The following NWD1 variants were observed in gnomAD, a reference collection of about 807,000 sequenced individuals.
NWD1 encodes the protein NACHT and WD repeat domain containing 1, also known as NACHT domain- and WD repeat-containing protein 1.
A neutral mutation model predicts 135.1 loss-of-function variants in NWD1; 129 were observed. The observed-to-expected ratio is 0.96, with a 90% CI of 0.83 to 1.11. The LOEUF is 1.11. Ranked by LOEUF, NWD1 falls within the 50% of genes least tolerant of loss-of-function variation. The pLI, the probability that NWD1 is intolerant of heterozygous loss-of-function variation, is 0.00. For synonymous variants in NWD1, 773 were observed against 786.0 expected (o/e 0.98, Z 0.28); for missense variants, 1,740 against 1,851.3 (o/e 0.94, Z 1.10).
intron 6 of NWD1, among the ~76,000 whole-genome samples, chr19:16,755,554 A>G (rs1462951870): frequency 1.3e-5 from 2 of 151,232 alleles, no homozygotes; most frequent in Non-Finnish European, 2.9e-5. Context: ...ATGCCTGGCT[A>G]ATTTTTGTAT....
intron 1 of NWD1, among the ~76,000 whole-genome samples, chr19:16,722,896 C>T (rs1365981484): frequency 6.6e-6 from 1 of 152,078 alleles, no homozygotes; most frequent in Non-Finnish European, 1.5e-5. Flanking sequence ...CACCAAGGCT[C>T]AGGAGAGCTT....
In NWD1 at chr19:16,749,467, C is replaced by T. The variant is rs374583971; in HGVS notation, c.825C>T (p.His275=). The T allele has an allele frequency of 2.5e-5, 41 of 1,612,478 alleles. No individual in the cohort carries two copies. Among genetic ancestry groups the T allele is most frequent in the South Asian group, 1.1e-5 (1 of 91,068 alleles). The change falls in exon 6 of 19, where the codon CAC becomes CAT. Residue 275 remains histidine (H), a synonymous_variant. Coordinates refer to ENST00000524140, the MANE Select transcript of NWD1 (RefSeq NM_001007525.5). ...AGCAGTTTGTGGTGAGGGCCAATCA[C>T]CAGGTCCTCACACGCCTCCGTGAGC... The part of the protein sequence containing the change: ...LGEQFVVRAN[H]QVLTRLRELD...
At chr19:16,813,469 G>T (rs1361612052) in intron 18 of NWD1, among the ~76,000 whole-genome samples, 1 of 151,870 alleles carries the variant, frequency 6.6e-6, no homozygotes, top group African/African-American at 2.4e-5. Context: ...GAAGCAGCCT[G>T]TTTTTGTTTT....
chr19:16,759,381 G>A lies in NWD1; in HGVS notation c.1926G>A (p.Leu642=), dbSNP rs771293066. ...TTCGTCGGGATCTGGGATACTACTT[G>A]GCCCGGCGGCCCGTGGATGGCTTCA... ...VRLRRDLGYY[L]ARRPVDGFTL... Residue 642 remains leucine (L), a synonymous_variant, in exon 7 of 19, where the codon TTG becomes TTA. Transcript: ENST00000524140. 1.3e-6 allele frequency: 2 copies of A among 1,598,918 alleles called. No individual in the cohort carries two copies. Among genetic ancestry groups the A allele is most frequent in the Non-Finnish European group, 8.5e-7 (1 of 1,173,922 alleles).
chr19:16,765,107 T>G lies in NWD1; in HGVS notation c.2325T>G (p.Cys775Trp), dbSNP rs1568363634. Residue 775 changes from cysteine (C) to tryptophan (W), a missense_variant, in exon 10 of 19, where the codon TGT (cysteine) becomes TGG (tryptophan). Coordinates refer to ENST00000524140, the MANE Select transcript of NWD1 (RefSeq NM_001007525.5). The stretch of plus-strand genomic sequence containing the variant: ...ACCTGCTGGATGACTTTGACCTGTG[T>G]GCCCCTCACCTGGACTCCCCTGAGG... ...IEDLLDDFDL[C>W]APHLDSPEVG... 1 of 1,614,022 alleles carries G rather than the reference T, an allele frequency of 6.2e-7. No individual in the cohort carries two copies. Among genetic ancestry groups the G allele is most frequent in the Non-Finnish European group, 8.5e-7 (1 of 1,180,022 alleles).
chr19:16,791,104 C>T (rs1364088634), intron 13 of NWD1, among the ~76,000 whole-genome samples: 3 of 151,934 alleles, frequency 2.0e-5, no homozygotes, highest in East Asian at 1.9e-4. Flanking sequence ...CATGGTGGTG[C>T]GTGTCTGTGG....
Position 16,794,547 on chromosome 19 carries a change from G to A in NWD1, c.3298G>A (p.Ala1100Thr), listed in dbSNP as rs191339575. The A allele has an allele frequency of 8.8e-6, 14 of 1,598,222 alleles. No individual in the cohort carries two copies. Among genetic ancestry groups the A allele is most frequent in the East Asian group, 4.5e-5 (2 of 44,618 alleles). The change falls in exon 15 of 19, where the codon GCC (alanine) becomes ACC (threonine). Residue 1100 changes from alanine (A) to threonine (T), a missense_variant. Physicochemically the swap from Ala to Thr is moderately conservative, Grantham distance 58. Coordinates refer to ENST00000524140, the MANE Select transcript of NWD1 (RefSeq NM_001007525.5). ...LVVSEDESLL[A>T]AGFGRSVRIF... ...GGTCTCTGAAGATGAGTCCCTCCTC[G>A]CCGCAGGTAGCGTTTAGCTCTCATT...
intron 12 of NWD1, among the ~76,000 whole-genome samples, chr19:16,781,552 G>A (rs1019263847): frequency 6.6e-6 from 1 of 151,624 alleles, no homozygotes; most frequent in East Asian, 1.9e-4. Flanking sequence ...GGAGATTGGG[G>A]CTACAGTGAG....
At chr19:16,726,083 C>T (rs1363489154) in intron 2 of NWD1, among the ~76,000 whole-genome samples, 1 of 151,992 alleles carries the variant, frequency 6.6e-6, no homozygotes, top group Non-Finnish European at 1.5e-5. Context: ...CTGCCTCAGC[C>T]TCCGGAGTAG....
chr19:16,746,192 T>A (rs113858615), intron 5 of NWD1, among the ~76,000 whole-genome samples: 19 of 140,472 alleles, frequency 1.4e-4, no homozygotes, highest in African/African-American at 4.7e-4. Flanking sequence ...CACCTTTATT[T>A]AAAAAAAAAA....
chr19:16,775,661 T>A (rs922354732), intron 11 of NWD1, among the ~76,000 whole-genome samples: 1 of 152,176 alleles, frequency 6.6e-6, no homozygotes, highest in African/African-American at 2.4e-5. Flanking sequence ...TATGTTTTTA[T>A]ATTTTTATTT....
intron 12 of NWD1, among the ~76,000 whole-genome samples, chr19:16,784,225 A>T (rs529982937): frequency 6.6e-6 from 1 of 151,888 alleles, no homozygotes; most frequent in African/African-American, 2.4e-5. Flanking sequence ...AAAAAAAGAA[A>T]AATTAAGTAT....
intron 16 of NWD1, among the ~76,000 whole-genome samples, chr19:16,798,283 C>T (rs1970487002): frequency 6.6e-6 from 1 of 151,984 alleles, no homozygotes; most frequent in Admixed American, 6.6e-5. Context: ...TTTCCCCCTC[C>T]TTCTTATGAG....
chr19:16,777,791 AAGG>A, intron 11 of NWD1, among the ~76,000 whole-genome samples: 1 of 61,526 alleles, frequency 1.6e-5, no homozygotes, highest in Non-Finnish European at 3.1e-5. Context: ...GGGGAAGGGA[AAGG>A]GGAGGGAAGG....
chr19:16,762,297 C>CT lies in NWD1; in HGVS notation c.2133+176dup, dbSNP rs71180331. 9.8e-3 allele frequency among the ~76,000 whole-genome samples: 1,152 copies of CT among 118,076 alleles called. 69 individuals carry two copies. Among genetic ancestry groups the CT allele is most frequent in the African/African-American group, 0.03 (876 of 28,750 alleles). 77.5% of individuals were successfully genotyped at this position (118,076 alleles called of 152,430 possible). On this transcript the variant is annotated intron_variant, in intron 8 of 18. Coordinates refer to ENST00000524140, the MANE Select transcript of NWD1 (RefSeq NM_001007525.5). Reference sequence around the variant, plus strand: ...GTCCCTTCTACTGTCCCCCCCACTCCTTTTTTTTTTTTTTTTTGAGACAGA... The same window carrying CT: ...GTCCCTTCTACTGTCCCCCCCACTCCTTTTTTTTTTTTTTTTTTGAGACAGA...
intron 18 of NWD1, among the ~76,000 whole-genome samples, chr19:16,811,604 A>G (rs1004155871): frequency 2.0e-5 from 3 of 151,740 alleles, no homozygotes; most frequent in Non-Finnish European, 4.4e-5. Flanking sequence ...AAAAAAAGAA[A>G]GAAAGAAAGA....
chr19:16,749,786 GC>G lies in NWD1; in HGVS notation c.1147del (p.Arg383ValfsTer4), dbSNP rs746630673. 1.2e-6 allele frequency: 2 copies of G among 1,606,122 alleles called. No individual in the cohort carries two copies. Among genetic ancestry groups the G allele is most frequent in the Non-Finnish European group, 1.7e-6 (2 of 1,175,656 alleles). The part of the protein sequence containing the change: ...LLGTSQMSSD[A>X]RGLLKSICFQ... ...GGGGACGTCACAAATGAGCTCAGATGCCCGTGGCCTGCTGAAGAGCATCTGC... is the reference window on the plus strand; with the variant it reads ...GGGGACGTCACAAATGAGCTCAGATGCCGTGGCCTGCTGAAGAGCATCTGC... On this transcript the variant is annotated frameshift_variant, in exon 6 of 19. Coordinates refer to ENST00000524140, the MANE Select transcript of NWD1 (RefSeq NM_001007525.5). LOFTEE classifies it high-confidence loss of function.
In NWD1 at chr19:16,749,851, T is replaced by G. The variant is rs1968491199; in HGVS notation, c.1209T>G (p.Pro403=). 6.2e-7 allele frequency: 1 copy of G among 1,612,702 alleles called. No individual in the cohort carries two copies. Among genetic ancestry groups the G allele is most frequent in the African/African-American group, 1.3e-5 (1 of 74,942 alleles). Reference sequence around the variant, plus strand: ...TGGCCTATGGGCTGCCCTTGCCCCCTGCCCAGGTTCTGGACGCCCACACCA... The same window carrying G: ...TGGCCTATGGGCTGCCCTTGCCCCCGGCCCAGGTTCTGGACGCCCACACCA... ...VCLAYGLPLP[P]AQVLDAHTRV... Residue 403 remains proline, a synonymous_variant, in exon 6 of 19, where the codon CCT becomes CCG. Transcript: ENST00000524140.
At chr19:16,793,883 T>C (rs1267352332) in intron 14 of NWD1, among the ~76,000 whole-genome samples, 1 of 152,088 alleles carries the variant, frequency 6.6e-6, no homozygotes. Context: ...GGCCAACTTT[T>C]ATGTTTTTAA....
Sources: gnomAD v4.1 joint callset for allele counts (sites outside exome capture counted in the v4.1 genomes callset) on GRCh38, gnomAD v4.1.1 for gene constraint, MANE v1.5 for transcripts, NCBI Gene and HGNC (gene_info 2026-07-23, HGNC 2026-07-21) for gene names.